Variants in ROBO2 observed in about 807,000 individuals in gnomAD.
ROBO2 encodes the protein roundabout homolog 2.
A neutral mutation model predicts 160.8 loss-of-function variants in ROBO2; 53 were observed. That is an observed-to-expected ratio of 0.33 (90% confidence interval 0.26 to 0.41). The LOEUF (loss-of-function observed/expected upper bound fraction) is 0.41. Among genes scored for constraint, ROBO2 ranks in the 10% least tolerant of loss-of-function variants. ROBO2 has a pLI of 1.00. For missense variants in ROBO2, 1,577 were observed against 1,722.4 expected, an observed-to-expected ratio of 0.92 and a Z score of 1.49; for synonymous variants, 664 against 611.7, an observed-to-expected ratio of 1.09 and a Z score of -1.26.
intron 2 of ROBO2, among the ~76,000 whole-genome samples, chr3:76,856,857 C>T (rs2070152866): frequency 6.6e-6 from 1 of 152,174 alleles, no homozygotes. Context: ...TGGGGAGAGG[C>T]TGGGGTTTAG....
At chr3:76,108,723 C>T (rs1349184171) in intron 2 of ROBO2, among the ~76,000 whole-genome samples, 1 of 151,220 alleles carries the variant, frequency 6.6e-6, no homozygotes, top group Admixed American at 6.6e-5. Flanking sequence ...TCATTGAACA[C>T]AAATTACTAT....
At chr3:76,186,434 C>T (rs1379305867) in intron 2 of ROBO2, among the ~76,000 whole-genome samples, 1 of 152,008 alleles carries the variant, frequency 6.6e-6, no homozygotes, top group African/African-American at 2.4e-5. Context: ...AGAATAAAAG[C>T]TCTCATGTGT....
exon 1 of ROBO2, chr3:75,906,778 G>A (rs1352699133): frequency 1.3e-5 from 2 of 152,314 alleles, no homozygotes; most frequent in Non-Finnish European, 2.9e-5. Context: ...GGAGGGAGAG[G>A]AAAGAAAAGG....
intron 2 of ROBO2, among the ~76,000 whole-genome samples, chr3:76,358,061 A>T (rs1374593567): frequency 6.6e-6 from 1 of 151,918 alleles, no homozygotes; most frequent in Non-Finnish European, 1.5e-5. Flanking sequence ...TTTGTCTGTA[A>T]TTAAGATACA....
At chr3:77,172,739 TA>T in intron 2 of ROBO2, among the ~76,000 whole-genome samples, 1 of 152,310 alleles carries the variant, frequency 6.6e-6, no homozygotes, top group Admixed American at 6.5e-5. Flanking sequence ...AGATTCCATA[TA>T]AAAGTTATAA....
intron 2 of ROBO2, among the ~76,000 whole-genome samples, chr3:76,551,567 G>T (rs1351563573): frequency 2.6e-5 from 4 of 152,174 alleles, no homozygotes; most frequent in African/African-American, 9.6e-5. Flanking sequence ...GCAACGAGAA[G>T]GATAGAATGA....
chr3:77,571,851 A>G (rs909635409), intron 13 of ROBO2, among the ~76,000 whole-genome samples: 3 of 151,860 alleles, frequency 2.0e-5, no homozygotes, highest in Admixed American at 6.6e-5. Flanking sequence ...TTTTTAAAGT[A>G]AATGTTCAGT....
chr3:77,344,817 AAAT>A (rs1357440692), intron 2 of ROBO2, among the ~76,000 whole-genome samples: 1 of 152,098 alleles, frequency 6.6e-6, no homozygotes, highest in Admixed American at 6.6e-5. Flanking sequence ...GTACCTTTGA[AAAT>A]AATAATATTA....
intron 2 of ROBO2, among the ~76,000 whole-genome samples, chr3:76,346,498 A>C (rs1352592631): frequency 6.6e-6 from 1 of 152,098 alleles, no homozygotes; most frequent in Non-Finnish European, 1.5e-5. Flanking sequence ...GGTTCCATTA[A>C]ATATTACTCT....
intron 2 of ROBO2, among the ~76,000 whole-genome samples, chr3:76,747,932 C>T (rs533633116): frequency 2.0e-4 from 31 of 151,876 alleles, no homozygotes; most frequent in East Asian, 1.2e-3. Context: ...ATTTAATATT[C>T]GAATTCTCAG....
intron 2 of ROBO2, among the ~76,000 whole-genome samples, chr3:77,155,745 T>C (rs2077954463): frequency 6.6e-6 from 1 of 152,078 alleles, no homozygotes; most frequent in Non-Finnish European, 1.5e-5. Context: ...ACCAGTTATC[T>C]CCATGTTATT....
chr3:76,067,182 G>A (rs1163430153), intron 2 of ROBO2, among the ~76,000 whole-genome samples: 4 of 152,096 alleles, frequency 2.6e-5, no homozygotes, highest in Non-Finnish European at 5.9e-5. Context: ...GTGATCACAG[G>A]CCAGTTATCT....
chr3:77,066,065 CTGTT>C (rs2066810494), intron 1 of ROBO2, among the ~76,000 whole-genome samples: 1 of 151,900 alleles, frequency 6.6e-6, no homozygotes, highest in Non-Finnish European at 1.5e-5. Context: ...CAGACCATGT[CTGTT>C]CACTTGTGAC....
At chr3:76,165,691 A>G (rs748679751) in intron 2 of ROBO2, among the ~76,000 whole-genome samples, 2 of 152,150 alleles carry the variant, frequency 1.3e-5, no homozygotes, top group Non-Finnish European at 2.9e-5. Flanking sequence ...AGTGGGAGAC[A>G]TGCATCTCTT....
intron 2 of ROBO2, among the ~76,000 whole-genome samples, chr3:77,457,014 G>A (rs759894937): frequency 2.5e-4 from 38 of 152,246 alleles, no homozygotes; most frequent in Non-Finnish European, 4.6e-4. Context: ...CTTGCTATTT[G>A]CTTCCACACT....
chr3:76,946,956 A>G lies in ROBO2; in HGVS notation c.110-151058A>G, dbSNP rs114721549. Among the ~76,000 whole-genome samples, 257 of 152,252 alleles carry G rather than the reference A, an allele frequency of 1.7e-3. 1 individual carries two copies. The highest frequency in any genetic ancestry group is 5.2e-3 in the African/African-American group (218 of 41,556). On this transcript the variant is annotated intron_variant, in intron 2 of 26. Transcript: ENST00000487694. Reference sequence around the variant, plus strand: ...TTTTGTCTTTCTTTCCGTAATGTCCAATGTCTTGAAAATCATTCTTGTGTA... The same window carrying G: ...TTTTGTCTTTCTTTCCGTAATGTCCGATGTCTTGAAAATCATTCTTGTGTA...
chr3:77,163,087 C>T (rs1267662268), intron 2 of ROBO2, among the ~76,000 whole-genome samples: 1 of 152,108 alleles, frequency 6.6e-6, no homozygotes, highest in Admixed American at 6.5e-5. Flanking sequence ...CCGCCTGCCT[C>T]TTCCTCCCAG....
At chr3:76,556,460 A>G (rs1434419774) in intron 2 of ROBO2, among the ~76,000 whole-genome samples, 4 of 152,166 alleles carry the variant, frequency 2.6e-5, no homozygotes, top group Non-Finnish European at 5.9e-5. Context: ...GAGGCAAAAT[A>G]TATGTAAGTG....
chr3:77,018,425 C>A (rs1296642785), intron 2 of ROBO2, among the ~76,000 whole-genome samples: 3 of 152,070 alleles, frequency 2.0e-5, no homozygotes, highest in Non-Finnish European at 4.4e-5. Context: ...TGTACACACT[C>A]AATATGTTTA....
Sources: allele counts gnomAD v4.1 joint callset (sites outside exome capture counted in the v4.1 genomes callset), GRCh38; gene constraint gnomAD v4.1.1; transcripts MANE v1.5; gene names NCBI Gene and HGNC (gene_info 2026-07-23, HGNC 2026-07-21).